PTPRT: variants seen among roughly 807,000 people sequenced by gnomAD.
PTPRT encodes protein tyrosine phosphatase receptor type T.
PTPRT carries 56 observed loss-of-function variants against 176.8 expected under a neutral mutation model. That is an observed-to-expected ratio of 0.32 (90% CI 0.26 to 0.40). PTPRT has a LOEUF of 0.40. PTPRT is among the 10% of genes least tolerant of loss of function. The pLI is 1.00. For synonymous variants in PTPRT, 783 were observed against 739.0 expected (o/e 1.06, Z -0.96); for missense variants, 1,540 against 1,908.2 (o/e 0.81, Z 3.60).
chr20:42,119,013 G>GGAA (rs1555872402), intron 20 of PTPRT, among the ~76,000 whole-genome samples: 50 of 29,222 alleles, frequency 1.7e-3, no homozygotes, highest in Middle Eastern at 0.029. Context: ...AGAAAGGAAG[G>GGAA]AAAAAAAAAA....
intron 1 of PTPRT, among the ~76,000 whole-genome samples, chr20:43,099,651 A>G (rs1289725143): frequency 6.6e-6 from 1 of 152,116 alleles, no homozygotes; most frequent in East Asian, 1.9e-4. Context: ...CATTGCCCAC[A>G]GCACCTCCGG....
chr20:42,197,155 G>A (rs1026418153), intron 16 of PTPRT, among the ~76,000 whole-genome samples: 13 of 151,976 alleles, frequency 8.6e-5, no homozygotes, highest in East Asian at 5.8e-4. Context: ...CGAGGCGGGC[G>A]GATTACGAGG....
At chr20:42,641,330 A>G (rs1237845023) in intron 7 of PTPRT, among the ~76,000 whole-genome samples, 1 of 152,198 alleles carries the variant, frequency 6.6e-6, no homozygotes, top group Non-Finnish European at 1.5e-5. Flanking sequence ...TAAAGTGTGC[A>G]CTGAGAACAG....
chr20:42,316,779 A>G (rs895071715), intron 11 of PTPRT, among the ~76,000 whole-genome samples: 3 of 152,136 alleles, frequency 2.0e-5, no homozygotes, highest in African/African-American at 7.2e-5. Flanking sequence ...TCTACCTGCA[A>G]TGCCCTGCAT....
At chr20:42,184,607 T>TTCCTCTTCC (rs1990689494) in intron 16 of PTPRT, among the ~76,000 whole-genome samples, 1 of 129,178 alleles carries the variant, frequency 7.7e-6, no homozygotes, top group African/African-American at 3.0e-5. Context: ...CTTCTTCTTC[T>TTCCTCTTCC]TCTTCTTCTC....
At chr20:42,789,472 T>C (rs2145537491) in intron 3 of PTPRT, among the ~76,000 whole-genome samples, 1 of 152,334 alleles carries the variant, frequency 6.6e-6, no homozygotes, top group East Asian at 1.9e-4. Flanking sequence ...TTACCATTTC[T>C]GAGCCTTCGT....
chr20:42,587,694 T>C lies in PTPRT; in HGVS notation c.1153+90172A>G, dbSNP rs2073495158. On this transcript the variant is annotated intron_variant, in intron 7 of 30. Transcript: ENST00000373187. ...GGCTGTGACTGAGCCCAGCTGGCTA[T>C]CTTCAAATGCGGTCACACAGGAGGT... Among the ~76,000 whole-genome samples, 7 of 152,178 alleles carry C rather than the reference T, an allele frequency of 4.6e-5. No individual in the cohort carries two copies. In the South Asian group the frequency reaches 1.5e-3, roughly 32 times the overall value.
intron 7 of PTPRT, among the ~76,000 whole-genome samples, chr20:42,594,813 T>C (rs2073642410): frequency 6.6e-6 from 1 of 152,178 alleles, no homozygotes. Flanking sequence ...TGACCTCCTC[T>C]GGCAGAAATT....
intron 21 of PTPRT, 71 bp from the exon 22 acceptor site, chr20:42,115,386 G>T: frequency 8.5e-7 from 1 of 1,176,910 alleles, no homozygotes; most frequent in Non-Finnish European, 1.3e-6. Context: ...GGCTGAGTGT[G>T]AGCAGCTGTC....
intron 1 of PTPRT, among the ~76,000 whole-genome samples, chr20:43,167,459 A>G (rs545789942): frequency 3.9e-5 from 6 of 152,316 alleles, no homozygotes; most frequent in South Asian, 2.1e-4. Flanking sequence ...GTGGGAGTTA[A>G]GATGTGATTC....
At chr20:42,179,150 A>G (rs1159992417) in intron 16 of PTPRT, among the ~76,000 whole-genome samples, 2 of 152,228 alleles carry the variant, frequency 1.3e-5, no homozygotes, top group Non-Finnish European at 2.9e-5. Flanking sequence ...TGTGAGAACC[A>G]AAAGAGGTAA....
chr20:42,573,458 G>A (rs1475708394), intron 7 of PTPRT, among the ~76,000 whole-genome samples: 1 of 152,230 alleles, frequency 6.6e-6, no homozygotes, highest in African/African-American at 2.4e-5. Context: ...GCAATAAAGA[G>A]GGGGCATTAG....
intron 9 of PTPRT, among the ~76,000 whole-genome samples, chr20:42,389,989 T>C (rs1182083358): frequency 6.6e-6 from 1 of 152,178 alleles, no homozygotes; most frequent in Non-Finnish European, 1.5e-5. Context: ...AATAAATTTC[T>C]CTTCATTATA....
chr20:42,590,694 T>A (rs939476520), intron 7 of PTPRT, among the ~76,000 whole-genome samples: 2 of 152,222 alleles, frequency 1.3e-5, no homozygotes, highest in African/African-American at 4.8e-5. Context: ...GTCAATTAGA[T>A]GAAGGAAAAC....
At chr20:42,809,474 C>G (rs2145613410) in intron 2 of PTPRT, among the ~76,000 whole-genome samples, 1 of 152,236 alleles carries the variant, frequency 6.6e-6, no homozygotes, top group Middle Eastern at 3.4e-3. Flanking sequence ...CCCTTTCCAG[C>G]CATTTCCTAA....
chr20:42,549,704 C>G (rs950849939), intron 7 of PTPRT, among the ~76,000 whole-genome samples: 12 of 152,124 alleles, frequency 7.9e-5, no homozygotes, highest in African/African-American at 2.9e-4. Flanking sequence ...CAGTGGCAAA[C>G]CCTCGCCACA....
chr20:42,742,427 T>G (rs1054150161), intron 6 of PTPRT, among the ~76,000 whole-genome samples: 14 of 152,206 alleles, frequency 9.2e-5, no homozygotes, highest in African/African-American at 3.1e-4. Context: ...CACAGCCCAG[T>G]GAAGTTACTG....
At chr20:42,315,588 T>C (rs1359821937) in intron 12 of PTPRT, 135 bp downstream of exon 12, 2 of 1,029,012 alleles carry the variant, frequency 1.9e-6, no homozygotes, top group Non-Finnish European at 2.8e-6. Flanking sequence ...ATTTTTTTAA[T>C]TTAAAGGCAT....
At chr20:42,704,320 C>G (rs1479898364) in intron 6 of PTPRT, among the ~76,000 whole-genome samples, 2 of 151,992 alleles carry the variant, frequency 1.3e-5, no homozygotes, top group African/African-American at 2.4e-5. Flanking sequence ...TGCCGAGACA[C>G]CCCATGGTTC....
Sources: gnomAD v4.1 joint callset for allele counts (sites outside exome capture counted in the v4.1 genomes callset) on GRCh38, gnomAD v4.1.1 for gene constraint, MANE v1.5 for transcripts, NCBI Gene and HGNC (gene_info 2026-07-23, HGNC 2026-07-21) for gene names.